The following PEX5L variants were observed in gnomAD, a reference collection of about 807,000 sequenced individuals.
The protein encoded by PEX5L is PEX5-related protein.
Under a neutral mutation model 84.0 loss-of-function variants are expected in PEX5L, and 30 were observed. The ratio of observed to expected loss-of-function variants is 0.36; its 90% confidence interval spans 0.27 to 0.48. The LOEUF is 0.48. PEX5L is among the 20% of genes least tolerant of loss of function. The pLI, the probability that PEX5L is intolerant of heterozygous loss-of-function variation, is 0.99. For missense variants in PEX5L, 533 were observed against 754.6 expected, an observed-to-expected ratio of 0.71 and a Z score of 3.44; for synonymous variants, 270 against 283.1, an observed-to-expected ratio of 0.95 and a Z score of 0.46.
intron 2 of PEX5L, among the ~76,000 whole-genome samples, chr3:179,924,454 A>G (rs1770789303): frequency 6.6e-6 from 1 of 152,138 alleles, no homozygotes. Flanking sequence ...ATGTTTTTAA[A>G]CCTAAACGCA....
intron 4 of PEX5L, among the ~76,000 whole-genome samples, chr3:179,884,890 G>C (rs1439210766): frequency 1.3e-5 from 2 of 151,944 alleles, no homozygotes; most frequent in African/African-American, 4.8e-5. Flanking sequence ...ACTTCTATGA[G>C]GCAAAAGATA....
intron 8 of PEX5L, among the ~76,000 whole-genome samples, chr3:179,843,612 T>A (rs1738129685): frequency 6.6e-6 from 1 of 152,232 alleles, no homozygotes; most frequent in Admixed American, 6.5e-5. Flanking sequence ...GTAATTTTTT[T>A]AAAATATGGA....
At chr3:179,992,140 C>T (rs9824299) in intron 1 of PEX5L, among the ~76,000 whole-genome samples, 46,580 of 151,904 alleles carry the variant, frequency 0.31, 7,288 homozygotes, top group Admixed American at 0.33. Context: ...AGTAGAGACA[C>T]AGAAAGCAGA....
intron 1 of PEX5L, among the ~76,000 whole-genome samples, chr3:179,996,631 T>C (rs1787912769): frequency 6.6e-6 from 1 of 152,110 alleles, no homozygotes; most frequent in Admixed American, 6.5e-5. Flanking sequence ...GTGAAATAGA[T>C]TTGTGAGGGC....
At chr3:179,988,901 A>ATG (rs1787122328) in intron 1 of PEX5L, among the ~76,000 whole-genome samples, 1 of 152,364 alleles carries the variant, frequency 6.6e-6, no homozygotes, top group South Asian at 2.1e-4. Flanking sequence ...TTGGATATAT[A>ATG]TTCAAGTGCC....
At chr3:179,940,450 A>G (rs531515716) in intron 2 of PEX5L, among the ~76,000 whole-genome samples, 1 of 152,244 alleles carries the variant, frequency 6.6e-6, no homozygotes, top group African/African-American at 2.4e-5. Context: ...AAGGCTTTTG[A>G]GAGACTTTCT....
chr3:179,970,129 G>T (rs1161234419), intron 2 of PEX5L, among the ~76,000 whole-genome samples: 1 of 152,048 alleles, frequency 6.6e-6, no homozygotes, highest in Non-Finnish European at 1.5e-5. Flanking sequence ...TTTGGGGTAG[G>T]AAGATAGTAA....
chr3:179,890,060 A>T (rs1757132578), intron 3 of PEX5L, among the ~76,000 whole-genome samples: 1 of 152,182 alleles, frequency 6.6e-6, no homozygotes, highest in African/African-American at 2.4e-5. Context: ...CAAACTGTAC[A>T]TATGTAACAG....
chr3:179,839,334 G>A lies in PEX5L; in HGVS notation c.823-19358C>T, dbSNP rs371236765. On this transcript the variant is annotated intron_variant, in intron 8 of 14. Coordinates refer to ENST00000467460, the MANE Select transcript of PEX5L (RefSeq NM_016559.3). ...AATTCAGCATCATATTTTTCAAATG[G>A]TGACAAAAATACCCACTGTATTCTT... Among the ~76,000 whole-genome samples, 7 of 152,070 alleles carry A rather than the reference G, an allele frequency of 4.6e-5. No homozygotes were observed. The East Asian group carries it at 1.2e-3, about 25-fold the overall frequency.
chr3:180,027,337 C>T (rs1791053133), intron 1 of PEX5L, among the ~76,000 whole-genome samples: 1 of 152,156 alleles, frequency 6.6e-6, no homozygotes, highest in Admixed American at 6.5e-5. Context: ...TTTTTTCCAA[C>T]ACATTATTTA....
At chr3:179,943,910 C>T (rs1478799586) in intron 2 of PEX5L, among the ~76,000 whole-genome samples, 6 of 152,102 alleles carry the variant, frequency 3.9e-5, no homozygotes, top group Non-Finnish European at 8.8e-5. Context: ...ATAAGGCTTC[C>T]TGGTAAAACT....
chr3:179,971,729 T>C (rs1314802149), intron 1 of PEX5L, 64 bp from the exon 2 acceptor site: 4 of 1,411,942 alleles, frequency 2.8e-6, no homozygotes, highest in Non-Finnish European at 3.8e-6. Context: ...TAATTCTACT[T>C]AATATTTTTA....
intron 2 of PEX5L, among the ~76,000 whole-genome samples, chr3:179,966,238 G>T (rs1783300172): frequency 6.6e-6 from 1 of 152,154 alleles, no homozygotes; most frequent in South Asian, 2.1e-4. Context: ...GAATCTGCAG[G>T]CTGAGCAGGT....
At chr3:180,003,907 C>T (rs1788639952) in intron 1 of PEX5L, among the ~76,000 whole-genome samples, 1 of 152,106 alleles carries the variant, frequency 6.6e-6, no homozygotes, top group Non-Finnish European at 1.5e-5. Context: ...TACAAATGAG[C>T]CATGTGAAGA....
At chr3:179,972,252 G>T (rs1784949047) in intron 1 of PEX5L, among the ~76,000 whole-genome samples, 1 of 150,838 alleles carries the variant, frequency 6.6e-6, no homozygotes, top group Non-Finnish European at 1.5e-5. Flanking sequence ...AAAGTTGGAG[G>T]ACAGACTATT....
intron 8 of PEX5L, among the ~76,000 whole-genome samples, chr3:179,857,199 TA>T (rs1243881268): frequency 6.6e-6 from 1 of 152,162 alleles, no homozygotes; most frequent in African/African-American, 2.4e-5. Context: ...CAAGTTGGGA[TA>T]ACAACTCAGG....
At chr3:179,841,988 G>A (rs1029600109) in intron 8 of PEX5L, among the ~76,000 whole-genome samples, 2 of 152,184 alleles carry the variant, frequency 1.3e-5, no homozygotes, top group African/African-American at 4.8e-5. Flanking sequence ...TTGGCAGTCA[G>A]CATACTTTAG....
intron 1 of PEX5L, among the ~76,000 whole-genome samples, chr3:180,009,979 T>G (rs1359857508): frequency 1.3e-5 from 2 of 152,144 alleles, no homozygotes. Context: ...AGTCTCACTC[T>G]GTTGCACAGG....
chr3:179,850,029 A>G (rs1278818823), intron 8 of PEX5L, among the ~76,000 whole-genome samples: 2 of 152,222 alleles, frequency 1.3e-5, no homozygotes, highest in Non-Finnish European at 2.9e-5. Context: ...GCAACTACCC[A>G]TAATTCTGAC....
Sources: allele counts gnomAD v4.1 joint callset (sites outside exome capture counted in the v4.1 genomes callset), GRCh38; gene constraint gnomAD v4.1.1; transcripts MANE v1.5; gene names NCBI Gene and HGNC (gene_info 2026-07-23, HGNC 2026-07-21).